The following SPTLC3 variants were observed in gnomAD, a reference collection of about 807,000 sequenced individuals.
The protein encoded by SPTLC3 is serine palmitoyltransferase long chain base subunit 3, also known as serine palmitoyltransferase 3.
In SPTLC3, 36 loss-of-function variants were observed where a neutral mutation model predicts 59.3. The ratio of observed to expected loss-of-function variants is 0.61; its 90% confidence interval spans 0.47 to 0.80. SPTLC3 has a LOEUF of 0.80. Ranked by LOEUF, SPTLC3 falls within the 30% of genes least tolerant of loss-of-function variation. SPTLC3 has a pLI of 0.00. For missense variants in SPTLC3, 625 were observed against 685.1 expected (o/e 0.91, Z 0.98); for synonymous variants, 257 against 240.8 (o/e 1.07, Z -0.62).
intron 2 of SPTLC3, among the ~76,000 whole-genome samples, chr20:13,063,625 A>T (rs560999951): frequency 6.1e-4 from 89 of 146,388 alleles, no homozygotes; most frequent in African/African-American, 2.0e-3. Flanking sequence ...TATTTTTTAA[A>T]TTTTTTTTAA....
At chr20:13,064,349 C>G (rs902847399) in intron 2 of SPTLC3, among the ~76,000 whole-genome samples, 6 of 149,004 alleles carry the variant, frequency 4.0e-5, no homozygotes, top group Middle Eastern at 3.2e-3. Flanking sequence ...CTTGCTCTGT[C>G]GCCCAGGCTG....
At chr20:13,093,667 G>A (rs1989311171) in intron 6 of SPTLC3, 90 bp downstream of exon 6, 5 of 1,190,324 alleles carry the variant, frequency 4.2e-6, no homozygotes, top group South Asian at 1.4e-5. Flanking sequence ...GCTCTTCAAG[G>A]TGACAACGTA....
At chr20:13,029,515 T>C (rs557052486) in intron 1 of SPTLC3, among the ~76,000 whole-genome samples, 1 of 148,348 alleles carries the variant, frequency 6.7e-6, no homozygotes, top group African/African-American at 2.6e-5. Flanking sequence ...CTATATTATA[T>C]GGCACTTGAA....
At chr20:13,147,098 G>T (rs1465188791) in intron 9 of SPTLC3, among the ~76,000 whole-genome samples, 2 of 152,174 alleles carry the variant, frequency 1.3e-5, no homozygotes, top group African/African-American at 4.8e-5. Context: ...TCGAAATCAG[G>T]CCATGCCGAC....
intron 7 of SPTLC3, among the ~76,000 whole-genome samples, chr20:13,111,605 G>C (rs570507240): frequency 6.6e-6 from 1 of 152,284 alleles, no homozygotes; most frequent in South Asian, 2.1e-4. Context: ...ACTCTGGGCT[G>C]TCATAACCTC....
intron 1 of SPTLC3, among the ~76,000 whole-genome samples, chr20:13,015,676 A>C (rs186953860): frequency 1.8e-4 from 27 of 152,256 alleles, no homozygotes; most frequent in Admixed American, 3.9e-4. Context: ...AAGGAAGAAT[A>C]ATTGGAAAGA....
chr20:13,146,326 T>C (rs1177838175), intron 9 of SPTLC3, among the ~76,000 whole-genome samples: 3 of 152,102 alleles, frequency 2.0e-5, no homozygotes, highest in African/African-American at 4.8e-5. Context: ...ACTATTGTAC[T>C]GGGCTTAACA....
chr20:13,010,340 T>C (rs1292814451), intron 1 of SPTLC3, among the ~76,000 whole-genome samples: 1 of 152,176 alleles, frequency 6.6e-6, no homozygotes, highest in Admixed American at 6.5e-5. Context: ...AGAGAGCAAG[T>C]ATCCACCCAC....
In SPTLC3 at chr20:13,020,662, G is replaced by A. The variant is rs141581892; in HGVS notation, c.117+11278G>A. On this transcript the variant is annotated intron_variant, in intron 1 of 11. Transcript: ENST00000399002. Reference sequence around the variant, plus strand: ...GAACTCCGCAGAAAGATGTTTATGTGGTAGCTTTTCGCACTCCCGCACCCC... The same window carrying A: ...GAACTCCGCAGAAAGATGTTTATGTAGTAGCTTTTCGCACTCCCGCACCCC... 2.0e-3 allele frequency among the ~76,000 whole-genome samples: 303 copies of A among 152,200 alleles called. 3 individuals carry two copies. The highest frequency in any genetic ancestry group is 7.0e-3 in the African/African-American group (292 of 41,520).
At chr20:13,044,623 C>T (rs1987147979) in intron 1 of SPTLC3, among the ~76,000 whole-genome samples, 1 of 152,072 alleles carries the variant, frequency 6.6e-6, no homozygotes, top group Non-Finnish European at 1.5e-5. Context: ...TAATAGTTTT[C>T]ATCTATCATC....
intron 3 of SPTLC3, chr20:13,074,093 C>A: frequency 3.0e-6 from 2 of 668,248 alleles, no homozygotes. Context: ...GGCTGTTCAT[C>A]CTTTTCCAGC....
intron 1 of SPTLC3, among the ~76,000 whole-genome samples, chr20:13,041,111 G>A (rs1986963387): frequency 6.6e-6 from 1 of 152,078 alleles, no homozygotes; most frequent in Non-Finnish European, 1.5e-5. Flanking sequence ...CCATAGGTAT[G>A]ATTAATGTTT....
At chr20:13,020,798 A>G (rs1985842121) in intron 1 of SPTLC3, among the ~76,000 whole-genome samples, 1 of 152,066 alleles carries the variant, frequency 6.6e-6, no homozygotes, top group South Asian at 2.1e-4. Flanking sequence ...GCCACTTACT[A>G]ATTGGGCCAT....
intron 9 of SPTLC3, among the ~76,000 whole-genome samples, chr20:13,136,160 A>G (rs1220857455): frequency 2.0e-5 from 3 of 152,200 alleles, no homozygotes. Flanking sequence ...CTGCCCTTAA[A>G]CTGAAGGAGT....
intron 10 of SPTLC3, among the ~76,000 whole-genome samples, 174 bp downstream of exon 10, chr20:13,154,312 C>T (rs1205180275): frequency 1.3e-5 from 2 of 152,066 alleles, no homozygotes; most frequent in Non-Finnish European, 2.9e-5. Flanking sequence ...TCCCACAGGT[C>T]TTATAGAAAG....
intron 9 of SPTLC3, among the ~76,000 whole-genome samples, chr20:13,129,309 G>GT (rs1265399128): frequency 1.3e-5 from 2 of 152,116 alleles, no homozygotes; most frequent in African/African-American, 4.8e-5. Context: ...TCTTAAACAG[G>GT]TATCTTTTAA....
At chr20:13,074,565 A>G in intron 4 of SPTLC3, 68 bp downstream of exon 4, 1 of 1,513,376 alleles carries the variant, frequency 6.6e-7, no homozygotes, top group Non-Finnish European at 9.0e-7. Flanking sequence ...TGTCTCTCAA[A>G]TCTAGATCAT....
chr20:13,014,738 T>C (rs973182946), intron 1 of SPTLC3, among the ~76,000 whole-genome samples: 1 of 151,110 alleles, frequency 6.6e-6, no homozygotes, highest in Non-Finnish European at 1.5e-5. Flanking sequence ...CTGAGACTTG[T>C]CGGGGACATC....
At chr20:13,063,883 T>C (rs1193066400) in intron 2 of SPTLC3, among the ~76,000 whole-genome samples, 1 of 152,028 alleles carries the variant, frequency 6.6e-6, no homozygotes, top group Non-Finnish European at 1.5e-5. Flanking sequence ...TTTGAACTCC[T>C]GGCCTCAAGT....
Sources: gnomAD v4.1 joint callset for allele counts (sites outside exome capture counted in the v4.1 genomes callset) on GRCh38, gnomAD v4.1.1 for gene constraint, MANE v1.5 for transcripts, NCBI Gene and HGNC (gene_info 2026-07-23, HGNC 2026-07-21) for gene names.